Variants in ESRRG observed in about 807,000 individuals in gnomAD.
ESRRG encodes estrogen-related receptor gamma.
A neutral mutation model predicts 44.0 loss-of-function variants in ESRRG; 13 were observed. That is an observed-to-expected ratio of 0.30 (90% CI 0.19 to 0.47). ESRRG has a LOEUF of 0.47. Among genes scored for constraint, ESRRG ranks in the 20% least tolerant of loss-of-function variants. The pLI, the probability that ESRRG is intolerant of heterozygous loss-of-function variation, is 1.00. For synonymous variants in ESRRG, 215 were observed against 214.6 expected, an observed-to-expected ratio of 1.00 and a Z score of -0.02; for missense variants, 395 against 580.6, an observed-to-expected ratio of 0.68 and a Z score of 3.29.
At chr1:216,516,760 T>C (rs1004618081) in intron 6 of ESRRG, among the ~76,000 whole-genome samples, 2 of 151,888 alleles carry the variant, frequency 1.3e-5, no homozygotes, top group African/African-American at 4.8e-5. Context: ...GTATGGGCAG[T>C]TTAAAAAACC....
At chr1:217,125,688 G>C (rs2092880462) in intron 1 of ESRRG, among the ~76,000 whole-genome samples, 1 of 152,138 alleles carries the variant, frequency 6.6e-6, no homozygotes, top group South Asian at 2.1e-4. Flanking sequence ...CCTCAAGTAA[G>C]AACAACCTCA....
chr1:216,733,432 T>C (rs1442733563), intron 2 of ESRRG, among the ~76,000 whole-genome samples: 1 of 152,190 alleles, frequency 6.6e-6, no homozygotes, highest in Non-Finnish European at 1.5e-5. Context: ...GCCCACGTTC[T>C]GCCCCAACAT....
intron 1 of ESRRG, among the ~76,000 whole-genome samples, chr1:217,087,488 C>T (rs539802595): frequency 1.6e-4 from 25 of 152,280 alleles, no homozygotes; most frequent in African/African-American, 4.6e-4. Context: ...GCAGCACACA[C>T]GGAAACCTAA....
At chr1:217,087,538 A>C (rs2092150148) in intron 1 of ESRRG, among the ~76,000 whole-genome samples, 1 of 152,140 alleles carries the variant, frequency 6.6e-6, no homozygotes, top group South Asian at 2.1e-4. Context: ...AACACCCATC[A>C]CAAACTCCCC....
chr1:217,124,412 T>C (rs535435393), intron 1 of ESRRG, among the ~76,000 whole-genome samples: 2 of 152,338 alleles, frequency 1.3e-5, no homozygotes, highest in Admixed American at 6.5e-5. Context: ...TGGCAAGACC[T>C]GCTCATGAAT....
rs189158539 is a variant in ESRRG at position 216,782,125 on chromosome 1, G to C, written c.-13-104634C>G. Among the ~76,000 whole-genome samples the C allele has an allele frequency of 5.9e-5, 9 of 152,188 alleles. No homozygotes were observed. In the East Asian group the frequency reaches 1.5e-3, roughly 26 times the overall value. Reference sequence around the variant, plus strand: ...GATTTCTCATTTCTTTCTGTTATTTGCAAGTCTTGTGTGAGTAACTAGCTA... The same window carrying C: ...GATTTCTCATTTCTTTCTGTTATTTCCAAGTCTTGTGTGAGTAACTAGCTA... On this transcript the variant is annotated intron_variant, in intron 2 of 7. Transcript: ENST00000359162.
intron 2 of ESRRG, among the ~76,000 whole-genome samples, chr1:216,666,875 G>A (rs530042388): frequency 3.6e-4 from 55 of 152,272 alleles, no homozygotes; most frequent in African/African-American, 1.1e-3. Context: ...ACAGTTACTC[G>A]CTAGGAGAGC....
chr1:217,022,705 C>A (rs1005775420), intron 1 of ESRRG, among the ~76,000 whole-genome samples: 2 of 152,110 alleles, frequency 1.3e-5, no homozygotes, highest in African/African-American at 4.8e-5. Context: ...GTAAAATGGC[C>A]CTTCTAGGGC....
At chr1:216,757,276 C>T (rs2152324433) in intron 2 of ESRRG, among the ~76,000 whole-genome samples, 1 of 152,024 alleles carries the variant, frequency 6.6e-6, no homozygotes, top group East Asian at 1.9e-4. Context: ...TGGCTCATTC[C>T]CCAGCAGTAC....
chr1:217,097,843 T>TAA (rs5780964), intron 1 of ESRRG, among the ~76,000 whole-genome samples: 83,694 of 139,028 alleles, frequency 0.6, 27,455 homozygotes, highest in East Asian at 0.8. Flanking sequence ...CCAGGCTGCT[T>TAA]AAAAAAAAAA....
At chr1:216,668,359 G>A (rs2074426004) in intron 2 of ESRRG, among the ~76,000 whole-genome samples, 1 of 152,142 alleles carries the variant, frequency 6.6e-6, no homozygotes, top group South Asian at 2.1e-4. Flanking sequence ...CTCTTACGTA[G>A]TGTCACCCAA....
At chr1:216,963,582 A>G (rs1293178294) in intron 1 of ESRRG, among the ~76,000 whole-genome samples, 2 of 152,144 alleles carry the variant, frequency 1.3e-5, no homozygotes, top group African/African-American at 4.8e-5. Context: ...ATCCTCCTCT[A>G]TTATCCTAAA....
At chr1:216,610,944 C>T (rs945498332) in intron 3 of ESRRG, among the ~76,000 whole-genome samples, 8 of 151,930 alleles carry the variant, frequency 5.3e-5, no homozygotes, top group African/African-American at 1.9e-4. Context: ...ACTAACATTG[C>T]AAGAAGCATC....
chr1:216,549,421 C>G (rs1041339593), intron 5 of ESRRG, among the ~76,000 whole-genome samples: 1 of 151,916 alleles, frequency 6.6e-6, no homozygotes, highest in Non-Finnish European at 1.5e-5. Context: ...GGAGGGTCCT[C>G]CATTTGTGAT....
At chr1:216,536,070 CT>C (rs1404214064) in intron 5 of ESRRG, among the ~76,000 whole-genome samples, 1 of 152,234 alleles carries the variant, frequency 6.6e-6, no homozygotes, top group Non-Finnish European at 1.5e-5. Context: ...CTCTTTCCTC[CT>C]TTTGCACTGA....
At chr1:217,103,930 G>A (rs1464153524) in intron 1 of ESRRG, among the ~76,000 whole-genome samples, 1 of 152,054 alleles carries the variant, frequency 6.6e-6, no homozygotes, top group Non-Finnish European at 1.5e-5. Context: ...AAATAGTAGG[G>A]GAAAATATCA....
chr1:216,936,972 G>A (rs2149894922), intron 2 of ESRRG, among the ~76,000 whole-genome samples: 1 of 152,190 alleles, frequency 6.6e-6, no homozygotes, highest in South Asian at 2.1e-4. Context: ...GCATTCTCAA[G>A]CCATCCTGAA....
At chr1:216,971,535 G>T (rs572018544) in intron 1 of ESRRG, among the ~76,000 whole-genome samples, 1 of 152,170 alleles carries the variant, frequency 6.6e-6, no homozygotes, top group Non-Finnish European at 1.5e-5. Flanking sequence ...TGCCTCAAAA[G>T]ATTCATCTGT....
intron 5 of ESRRG, among the ~76,000 whole-genome samples, chr1:216,543,519 T>C (rs2053513659): frequency 6.6e-6 from 1 of 151,996 alleles, no homozygotes; most frequent in Non-Finnish European, 1.5e-5. Context: ...AATTTTGTTT[T>C]ATCATCTTAA....
Sources: allele counts gnomAD v4.1 joint callset (sites outside exome capture counted in the v4.1 genomes callset), GRCh38; gene constraint gnomAD v4.1.1; transcripts MANE v1.5; gene names NCBI Gene and HGNC (gene_info 2026-07-23, HGNC 2026-07-21).